The following ART3 variants were observed in gnomAD, a reference collection of about 807,000 sequenced individuals.
The protein encoded by ART3 is ADP-ribosyltransferase 3 (inactive), also known as ecto-ADP-ribosyltransferase 3.
ART3 carries 49 observed loss-of-function variants against 48.5 expected under a neutral mutation model. That is an observed-to-expected ratio of 1.01 (90% CI 0.80 to 1.28). The LOEUF (loss-of-function observed/expected upper bound fraction) is 1.28. ART3 is among the 50% of genes most tolerant of loss of function. The pLI, the probability that ART3 is intolerant of heterozygous loss-of-function variation, is 0.00. For synonymous variants in ART3, 145 were observed against 157.2 expected (o/e 0.92, Z 0.58); for missense variants, 438 against 454.3 (o/e 0.96, Z 0.33).
At chr4:76,051,878 T>C (rs1388937089) in intron 1 of ART3, among the ~76,000 whole-genome samples, 5 of 150,746 alleles carry the variant, frequency 3.3e-5, no homozygotes, top group Non-Finnish European at 7.4e-5. Flanking sequence ...TCTGAGTTTA[T>C]GTTGTATCTC....
At chr4:76,103,742 T>A (rs1330013696) in intron 8 of ART3, among the ~76,000 whole-genome samples, 195 bp from the exon 9 acceptor site, 1 of 152,000 alleles carries the variant, frequency 6.6e-6, no homozygotes, top group Non-Finnish European at 1.5e-5. Flanking sequence ...AAGTCCAGGC[T>A]AAGGAGTTTG....
chr4:76,092,297 A>G (rs1029715469), intron 3 of ART3, among the ~76,000 whole-genome samples: 1 of 152,200 alleles, frequency 6.6e-6, no homozygotes, highest in African/African-American at 2.4e-5. Context: ...AATAGTGTTC[A>G]GTGTGTAAGG....
Position 76,082,271 on chromosome 4 carries a change from G to A in ART3, c.517G>A (p.Gly173Arg), listed in dbSNP as rs1722654461. Residue 173 changes from glycine to arginine, a missense_variant, in exon 3 of 12, where the codon GGA (glycine) becomes AGA (arginine). Around this residue, in one of 3 missense-constraint regions of ART3, gnomAD observed 206 missense variants for 205.3 expected, o/e 1.00. Transcript: ENST00000355810. Reference protein sequence around the residue: ...RTSQGTSFTFGGLNQARFGHF... With the variant: ...RTSQGTSFTFRGLNQARFGHF... ...AAGCCAGGGCACTTCATTTACATTT[G>A]GAGGGCTAAACCAAGCCAGGTTTGG... 6.2e-7 allele frequency: 1 copy of A among 1,614,038 alleles called. No individual in the cohort carries two copies. Among genetic ancestry groups the A allele is most frequent in the African/African-American group, 1.3e-5 (1 of 74,906 alleles).
intron 5 of ART3, 99 bp from the exon 6 acceptor site, chr4:76,100,192 A>T: frequency 2.4e-6 from 3 of 1,227,406 alleles, no homozygotes; most frequent in Middle Eastern, 2.0e-4. Context: ...ATGGTTCTTT[A>T]TAGTCATATT....
At chr4:76,035,775 T>C in intron 1 of ART3, 1 of 661,006 alleles carries the variant, frequency 1.5e-6, no homozygotes, top group Non-Finnish European at 2.5e-6. Context: ...ATCTTAAACA[T>C]GTCCACCATT....
At chr4:76,060,864 AAC>A (rs1425384251) in intron 1 of ART3, among the ~76,000 whole-genome samples, 2 of 152,216 alleles carry the variant, frequency 1.3e-5, no homozygotes, top group African/African-American at 4.8e-5. Flanking sequence ...TCAACAAGGA[AAC>A]ACAGGTCTCA....
chr4:76,049,977 G>C (rs1735893570), intron 1 of ART3, among the ~76,000 whole-genome samples: 1 of 151,812 alleles, frequency 6.6e-6, no homozygotes, highest in African/African-American at 2.4e-5. Flanking sequence ...TGAAGCTGCA[G>C]ACCTTAGCGG....
At chr4:76,062,451 T>C (rs1049585952) in intron 1 of ART3, among the ~76,000 whole-genome samples, 7 of 152,176 alleles carry the variant, frequency 4.6e-5, no homozygotes, top group African/African-American at 1.7e-4. Context: ...GGCTAGCTAT[T>C]AGTTGTTATA....
intron 1 of ART3, among the ~76,000 whole-genome samples, chr4:76,043,417 C>T (rs1300667841): frequency 6.6e-6 from 1 of 152,048 alleles, no homozygotes; most frequent in Non-Finnish European, 1.5e-5. Context: ...GCATGGCGGG[C>T]TGCAGGTCCC....
chr4:76,102,342 G>A (rs1450214979), intron 8 of ART3, among the ~76,000 whole-genome samples: 1 of 152,142 alleles, frequency 6.6e-6, no homozygotes, highest in Non-Finnish European at 1.5e-5. Flanking sequence ...TGATTTCTTA[G>A]AAGTTCAGAC....
At chr4:76,016,064 A>G (rs954496724) in intron 1 of ART3, among the ~76,000 whole-genome samples, 4 of 152,248 alleles carry the variant, frequency 2.6e-5, no homozygotes, top group African/African-American at 9.6e-5. Context: ...CTGGCCTTAT[A>G]GAATGAGTTT....
chr4:76,036,841 CT>C, intron 1 of ART3: 4 of 239,432 alleles, frequency 1.7e-5, no homozygotes, highest in South Asian at 8.3e-5. Flanking sequence ...TGTCCCTACC[CT>C]TTTCTTGATG....
At chr4:76,099,106 A>G (rs973901034) in intron 5 of ART3, 119 bp downstream of exon 5, 3 of 886,872 alleles carry the variant, frequency 3.4e-6, no homozygotes, top group African/African-American at 3.3e-5. Flanking sequence ...GTTTGAGACC[A>G]GCCTGGGCAA....
intron 1 of ART3, among the ~76,000 whole-genome samples, chr4:76,043,906 C>G (rs1002812064): frequency 5.3e-5 from 8 of 152,050 alleles, no homozygotes; most frequent in Non-Finnish European, 1.2e-4. Flanking sequence ...CCGATGACCA[C>G]TCTAGCTACT....
At chr4:76,091,230 C>T (rs371041617) in intron 3 of ART3, among the ~76,000 whole-genome samples, 6 of 152,292 alleles carry the variant, frequency 3.9e-5, no homozygotes, top group African/African-American at 1.4e-4. Flanking sequence ...TTTGTATGGA[C>T]ATATGCTTTC....
intron 4 of ART3, among the ~76,000 whole-genome samples, 190 bp downstream of exon 4, chr4:76,097,866 C>A (rs1426588051): frequency 6.6e-6 from 1 of 152,190 alleles, no homozygotes; most frequent in Admixed American, 6.5e-5. Context: ...CCAGTCCCCA[C>A]TGCCACCCTC....
At chr4:76,081,708 T>G in intron 2 of ART3, 116 bp from the exon 3 acceptor site, 1 of 1,077,362 alleles carries the variant, frequency 9.3e-7, no homozygotes, top group Non-Finnish European at 1.4e-6. Flanking sequence ...CAAAATTGGT[T>G]ATAAGTCAGG....
intron 1 of ART3, among the ~76,000 whole-genome samples, chr4:76,059,277 G>A (rs1374968696): frequency 2.6e-5 from 4 of 152,120 alleles, no homozygotes; most frequent in Non-Finnish European, 5.9e-5. Flanking sequence ...TGGTGGGGCA[G>A]GGGAAGAATC....
chr4:76,049,766 C>T lies in ART3; in HGVS notation c.-9-26115C>T, dbSNP rs551881720. Among the ~76,000 whole-genome samples, 99 of 152,150 alleles carry T rather than the reference C, an allele frequency of 6.5e-4. 2 individuals are homozygous for T. Among genetic ancestry groups the T allele is most frequent in the Non-Finnish European group, 1.3e-3 (85 of 67,950 alleles). On this transcript the variant is annotated intron_variant, in intron 1 of 9. Transcript: ENST00000341029. ...GATGGTCTTACCGCTCGGCGATAGG[C>T]GAAAGTCCCTTCGTGGTTGCCAAGA... is the stretch of plus-strand genomic sequence containing the variant.
Sources: allele counts gnomAD v4.1 joint callset (sites outside exome capture counted in the v4.1 genomes callset), GRCh38; gene constraint gnomAD v4.1.1; regional missense constraint gnomAD v4.1.1; transcripts MANE v1.5; gene names NCBI Gene and HGNC (gene_info 2026-07-23, HGNC 2026-07-21).